FAM236C: variants seen among roughly 807,000 people sequenced by gnomAD.
The protein encoded by FAM236C is protein FAM236C.
FAM236C carries 1 observed loss-of-function variant against 3.1 expected under a neutral mutation model. The ratio of observed to expected loss-of-function variants is 0.33; its 90% CI spans 0.12 to 1.55. The LOEUF (loss-of-function observed/expected upper bound fraction) is 1.55. Among genes scored for constraint, FAM236C ranks in the 40% most tolerant of loss-of-function variants. The pLI is 0.38. For missense variants in FAM236C, 11 were observed against 27.7 expected (o/e 0.40, Z 1.35); for synonymous variants, 7 against 10.9 (o/e 0.64, Z 0.70).
chrX:72,913,054 C>T lies in FAM236C; in HGVS notation c.171C>T (p.Ser57=). 1 of 500,097 alleles carries T rather than the reference C, an allele frequency of 2.0e-6. No homozygotes were observed. Among genetic ancestry groups the T allele is most frequent in the Non-Finnish European group, 3.5e-6 (1 of 286,760 alleles). 41.2% of individuals were successfully genotyped at this position (500,097 alleles called of 1,213,427 possible). Residue 57 remains serine (S), a synonymous_variant, in exon 2 of 3, where the codon AGC becomes AGT. Transcript: ENST00000636267. The part of the protein sequence containing the change: ...EPALLRGSWR[S]RFQRALACFI... ...CTCTTCTGCGAGGGTCTTGGAGGAG[C>T]CGGTTCCAGAGGGCCCTGGCATGTT...
Position 72,913,086 on chromosome X carries a change from A to T in FAM236C, c.203A>T (p.Lys68Met), listed in dbSNP as rs2147892716. The change falls in exon 2 of 3, where the codon AAG becomes ATG. Residue 68 changes from lysine to methionine, a missense_variant. Coordinates refer to ENST00000636267, the MANE Select transcript of FAM236C (RefSeq NM_001351111.1). ...CAGAGGGCCCTGGCATGTTTCATCA[A>T]GTGCTTCAGGCGAGAGCTCCTTCGG... ...RFQRALACFI[K>M]CFRGGYRALG... is the part of the protein sequence containing the mutation. 1 of 479,232 alleles carries T rather than the reference A, an allele frequency of 2.1e-6. No homozygotes were observed. Among genetic ancestry groups the T allele is most frequent in the Admixed American group, 3.3e-5 (1 of 30,576 alleles). 39.5% of individuals were successfully genotyped at this position (479,232 alleles called of 1,213,427 possible). A position where few individuals can be genotyped will look rare whatever the true frequency, so the allele number is the denominator to read the frequency against.
Position 72,913,110 on chromosome X carries a change from G to C in FAM236C, c.212+15G>C. 4.1e-6 allele frequency: 2 copies of C among 485,936 alleles called. No individual in the cohort carries two copies. The highest frequency in any genetic ancestry group is 5.4e-5 in the South Asian group (2 of 36,703). The allele number at this position is 485,936 out of a possible 1,213,427, so 40.0% of individuals were successfully genotyped here. A position where few individuals can be genotyped will look rare whatever the true frequency, so the allele number is the denominator to read the frequency against. ...AAGTGCTTCAGGCGAGAGCTCCTTC[G>C]GAGCCAGCCTCTGCCTGTCTCACTG... On this transcript the variant is annotated intron_variant, in intron 2 of 2. Transcript: ENST00000636267.
chrX:72,912,847 G>A, intron 1 of FAM236C, 73 bp from the exon 2 acceptor site: 1 of 479,943 alleles, frequency 2.1e-6, no homozygotes, highest in Non-Finnish European at 3.7e-6. Context: ...CATGGAAGAG[G>A]GCCGGAGATG....
Position 72,913,316 on chromosome X carries a change from C to G in FAM236C, c.*38C>G, listed in dbSNP as rs1216244381. 3.0e-6 allele frequency: 2 copies of G among 666,732 alleles called. No individual in the cohort carries two copies. Among genetic ancestry groups the G allele is most frequent in the Non-Finnish European group, 4.7e-6 (2 of 424,876 alleles). 54.9% of individuals were successfully genotyped at this position (666,732 alleles called of 1,213,427 possible). A position where few individuals can be genotyped will look rare whatever the true frequency, so the allele number is the denominator to read the frequency against. On this transcript the variant is annotated 3_prime_UTR_variant, in exon 3 of 3. Transcript: ENST00000636267. ...CACAGACACAGGCGTGAACGGTGAC[C>G]GAGCCCCCTCTGATGCTCCATGCCC...
chrX:72,912,852 G>A (rs1851950512), intron 1 of FAM236C, 68 bp from the exon 2 acceptor site: 9 of 488,107 alleles, frequency 1.8e-5, no homozygotes, highest in Non-Finnish European at 2.9e-5. Context: ...AAGAGGGCCG[G>A]AGATGCACAC....
chrX:72,913,115 C>A lies in FAM236C; in HGVS notation c.212+20C>A, dbSNP rs1373971994. 1.7e-5 allele frequency: 8 copies of A among 484,690 alleles called. No homozygotes were observed. Among genetic ancestry groups the A allele is most frequent in the Admixed American group, 1.6e-4 (5 of 31,954 alleles). The allele number at this position is 484,690 out of a possible 1,213,427, so 39.9% of individuals were successfully genotyped here. ...CTTCAGGCGAGAGCTCCTTCGGAGC[C>A]AGCCTCTGCCTGTCTCACTGGCTCG... On this transcript the variant is annotated intron_variant, in intron 2 of 2. Transcript: ENST00000636267.
rs1463468171 is a variant in FAM236C at position 72,913,368 on chromosome X, G to A, written c.*90G>A. The A allele has an allele frequency of 1.7e-5, 8 of 483,203 alleles. No homozygotes were observed. Among genetic ancestry groups the A allele is most frequent in the African/African-American group, 8.0e-5 (3 of 37,282 alleles). 39.8% of individuals were successfully genotyped at this position (483,203 alleles called of 1,213,427 possible). On this transcript the variant is annotated 3_prime_UTR_variant, in exon 3 of 3. Transcript: ENST00000636267. ...TGCTCGCCCCAGTGTCCCGGTCACC[G>A]GGCCTGAAATAAATGCTGGCACGCT...
Position 72,913,339 on chromosome X carries a change from C to A in FAM236C, c.*61C>A. Reference sequence around the variant, plus strand: ...ACCGAGCCCCCTCTGATGCTCCATGCCCCTGCTCGCCCCAGTGTCCCGGTC... The same window carrying A: ...ACCGAGCCCCCTCTGATGCTCCATGACCCTGCTCGCCCCAGTGTCCCGGTC... On this transcript the variant is annotated 3_prime_UTR_variant, in exon 3 of 3. Coordinates refer to ENST00000636267, the MANE Select transcript of FAM236C (RefSeq NM_001351111.1). 3.7e-6 allele frequency: 2 copies of A among 547,679 alleles called. No homozygotes were observed. Among genetic ancestry groups the A allele is most frequent in the Non-Finnish European group, 6.2e-6 (2 of 320,699 alleles). The allele number at this position is 547,679 out of a possible 1,213,427, so 45.1% of individuals were successfully genotyped here.
rs1273833629 is a variant in FAM236C at position 72,912,978 on chromosome X, C to T, written c.95C>T (p.Ser32Phe). 7 of 473,693 alleles carry T rather than the reference C, an allele frequency of 1.5e-5. No individual in the cohort carries two copies. The highest frequency in any genetic ancestry group is 2.6e-5 in the Non-Finnish European group (7 of 266,191). The allele number at this position is 473,693 out of a possible 1,213,427, so 39.0% of individuals were successfully genotyped here. A position where few individuals can be genotyped will look rare whatever the true frequency, so the allele number is the denominator to read the frequency against. The change falls in exon 2 of 3, where the codon TCT (serine) becomes TTT (phenylalanine). Residue 32 changes from serine (S) to phenylalanine (F), a missense_variant. Coordinates refer to ENST00000636267, the MANE Select transcript of FAM236C (RefSeq NM_001351111.1). Reference protein sequence around the residue: ...QKDPEELVAVSDTAEDPSSGT... With the variant: ...QKDPEELVAVFDTAEDPSSGT... ...GACCCTGAGGAATTGGTTGCTGTAT[C>T]TGACACCGCGGAGGACCCATCCAGT...
Sources: gnomAD v4.1 joint callset for allele counts on GRCh38, gnomAD v4.1.1 for gene constraint, MANE v1.5 for transcripts, NCBI Gene and HGNC (gene_info 2026-07-23, HGNC 2026-07-21) for gene names.